SHISAL2B: variants seen among roughly 807,000 people sequenced by gnomAD.
The protein encoded by SHISAL2B is protein shisa-like-2B.
SHISAL2B carries 12 observed loss-of-function variants against 16.5 expected under a neutral mutation model. The observed-to-expected ratio is 0.73, with a 90% CI of 0.47 to 1.18. The LOEUF is 1.18. Among genes scored for constraint, SHISAL2B ranks in the 50% most tolerant of loss-of-function variants. The pLI is 0.00. For missense variants in SHISAL2B, 183 were observed against 193.6 expected (o/e 0.95, Z 0.33); for synonymous variants, 72 against 75.0 (o/e 0.96, Z 0.21).
chr5:64,693,807 C>G (rs1462658557), intron 1 of SHISAL2B, among the ~76,000 whole-genome samples: 1 of 152,166 alleles, frequency 6.6e-6, no homozygotes, highest in Admixed American at 6.5e-5. Context: ...GTGAGTCACT[C>G]TACAGTGACT....
chr5:64,700,566 A>G lies in SHISAL2B; in HGVS notation c.349+4902A>G, dbSNP rs1056127173. Among the ~76,000 whole-genome samples, 6 of 152,080 alleles carry G rather than the reference A, an allele frequency of 3.9e-5. 1 individual carries two copies. The highest frequency in any genetic ancestry group is 1.3e-4 in the Admixed American group (2 of 15,264). On this transcript the variant is annotated intron_variant, in intron 2 of 2. Transcript: ENST00000389074. ...GCTGAGACTACAGGCAGTGGTCACC[A>G]TGCCTGGCTAAGTTTTTTGTATTTT...
chr5:64,698,778 T>C (rs941040100), intron 2 of SHISAL2B, among the ~76,000 whole-genome samples: 1 of 152,238 alleles, frequency 6.6e-6, no homozygotes, highest in Admixed American at 6.5e-5. Flanking sequence ...TGCTCTCTAC[T>C]GTATCCCCAG....
In SHISAL2B at chr5:64,712,610, C is replaced by T. The variant is rs1458817563; in HGVS notation, c.350-5279C>T. 2.4e-4 allele frequency among the ~76,000 whole-genome samples: 37 copies of T among 151,078 alleles called. No homozygotes were observed. In the South Asian group the frequency reaches 4.9e-3, roughly 20 times the overall value. On this transcript the variant is annotated intron_variant, in intron 2 of 2. Coordinates refer to ENST00000389074, the MANE Select transcript of SHISAL2B (RefSeq NM_001164442.2). ...GGGTATCCTTGTTGACTTTCTGTCT[C>T]GTTGATCTGTCTAATGTTGACAGTG...
chr5:64,709,756 A>T (rs1325979003), intron 2 of SHISAL2B, among the ~76,000 whole-genome samples: 8 of 151,224 alleles, frequency 5.3e-5, no homozygotes, highest in East Asian at 2.0e-4. Context: ...GGTATCTCAT[A>T]GTGGTTTTGA....
At position 64,707,521 on chromosome 5, in the gene SHISAL2B, G is replaced by A. The variant is rs945643264; in HGVS notation, c.350-10368G>A. Among the ~76,000 whole-genome samples, 5 of 152,306 alleles carry A rather than the reference G, an allele frequency of 3.3e-5. No individual in the cohort carries two copies. The East Asian group carries it at 9.7e-4, about 29-fold the overall frequency. ...AGGAAAGCATGCTATTCTATTCAAA[G>A]CCTTGGTAAAACAACCAGTTTCTCC... On this transcript the variant is annotated intron_variant, in intron 2 of 2. Coordinates refer to ENST00000389074, the MANE Select transcript of SHISAL2B (RefSeq NM_001164442.2).
chr5:64,696,393 CA>C (rs1741735461), intron 2 of SHISAL2B, among the ~76,000 whole-genome samples: 2 of 152,250 alleles, frequency 1.3e-5, no homozygotes, highest in South Asian at 4.2e-4. Flanking sequence ...AACAGAATAA[CA>C]GTGATTTTTC....
At chr5:64,709,171 A>G (rs966387513) in intron 2 of SHISAL2B, among the ~76,000 whole-genome samples, 43 of 132,636 alleles carry the variant, frequency 3.2e-4, no homozygotes, top group African/African-American at 1.0e-3. Flanking sequence ...ATATCTCCCA[A>G]TGCTATCCCT....
intron 2 of SHISAL2B, among the ~76,000 whole-genome samples, chr5:64,706,691 A>G (rs1299665625): frequency 1.3e-5 from 2 of 152,116 alleles, no homozygotes; most frequent in African/African-American, 2.4e-5. Context: ...AAATAGGGGG[A>G]GGAAGAGAGA....
chr5:64,702,036 G>T (rs1347907753), intron 2 of SHISAL2B, among the ~76,000 whole-genome samples: 2 of 152,014 alleles, frequency 1.3e-5, no homozygotes, highest in Admixed American at 1.3e-4. Flanking sequence ...TTTTTTTGTG[G>T]TTTCTCCTTT....
At chr5:64,715,577 G>A (rs1275234335) in intron 2 of SHISAL2B, among the ~76,000 whole-genome samples, 2 of 152,148 alleles carry the variant, frequency 1.3e-5, no homozygotes, top group African/African-American at 2.4e-5. Flanking sequence ...GAAAAGGAAG[G>A]TAATGGGGTG....
At chr5:64,717,337 T>C (rs1386353641) in intron 2 of SHISAL2B, among the ~76,000 whole-genome samples, 1 of 152,220 alleles carries the variant, frequency 6.6e-6, no homozygotes, top group Admixed American at 6.5e-5. Flanking sequence ...ACACTGTTCA[T>C]TGAATAATCC....
Position 64,718,102 on chromosome 5 carries a change from A to G in SHISAL2B, c.*80A>G. 1 of 1,264,242 alleles carries G rather than the reference A, an allele frequency of 7.9e-7. No homozygotes were observed. Among genetic ancestry groups the G allele is most frequent in the Non-Finnish European group, 1.0e-6 (1 of 970,894 alleles). The allele number at this position is 1,264,242 out of a possible 1,614,324, so 78.3% of individuals were successfully genotyped here. On this transcript the variant is annotated 3_prime_UTR_variant, in exon 3 of 3. Coordinates refer to ENST00000389074, the MANE Select transcript of SHISAL2B (RefSeq NM_001164442.2). ...GCGTGCACTTGAAACGGTTTGTAAT[A>G]TTGCTTTTCAAAAATTCGTCACTCA...
At chr5:64,692,381 T>C (rs953851371) in intron 1 of SHISAL2B, among the ~76,000 whole-genome samples, 1 of 152,202 alleles carries the variant, frequency 6.6e-6, no homozygotes, top group African/African-American at 2.4e-5. Context: ...GCTGGGGTCT[T>C]CATTCAGTAC....
At chr5:64,697,918 AGATCTCTCAGAGGGTATCCTGTGTC>A (rs1741761635) in intron 2 of SHISAL2B, among the ~76,000 whole-genome samples, 1 of 152,164 alleles carries the variant, frequency 6.6e-6, no homozygotes, top group Non-Finnish European at 1.5e-5. Context: ...TCTGTAGAGG[AGATCTCTCAGAGGGTATCCTGTGTC>A]ACAGAACAAG....
chr5:64,695,264 CAAA>C (rs33996841), intron 1 of SHISAL2B, among the ~76,000 whole-genome samples: 1 of 130,614 alleles, frequency 7.7e-6, no homozygotes, highest in African/African-American at 2.7e-5. Flanking sequence ...GACACCATCT[CAAA>C]AAAAAAAAAA....
intron 2 of SHISAL2B, among the ~76,000 whole-genome samples, chr5:64,709,247 C>G (rs937823967): frequency 2.9e-4 from 41 of 143,656 alleles, no homozygotes; most frequent in Non-Finnish European, 5.3e-4. Flanking sequence ...TCCATGTGAT[C>G]TCATTGTTCA....
chr5:64,692,624 T>C (rs1365514055), intron 1 of SHISAL2B, among the ~76,000 whole-genome samples: 1 of 152,208 alleles, frequency 6.6e-6, no homozygotes, highest in Non-Finnish European at 1.5e-5. Flanking sequence ...GATTCTATAG[T>C]GGCAGGAGAA....
intron 2 of SHISAL2B, among the ~76,000 whole-genome samples, chr5:64,712,241 T>C (rs1158855598): frequency 1.2e-3 from 184 of 151,008 alleles, no homozygotes; most frequent in African/African-American, 4.4e-3. Flanking sequence ...ATGTTGTGTC[T>C]TTGTTCTTGT....
intron 1 of SHISAL2B, chr5:64,694,153 T>A: frequency 2.2e-6 from 1 of 452,422 alleles, no homozygotes; most frequent in African/African-American, 2.0e-5. Context: ...AGGAAGATAA[T>A]GAAGAAAAAG....
Sources: allele counts gnomAD v4.1 joint callset (sites outside exome capture counted in the v4.1 genomes callset), GRCh38; gene constraint gnomAD v4.1.1; transcripts MANE v1.5; gene names NCBI Gene and HGNC (gene_info 2026-07-23, HGNC 2026-07-21).